The following SETD5 variants were observed in gnomAD, a reference collection of about 807,000 sequenced individuals.
SETD5 encodes the protein histone-lysine N-methyltransferase SETD5.
In SETD5, 44 loss-of-function variants were observed where a neutral mutation model predicts 153.3. The ratio of observed to expected loss-of-function variants is 0.29; its 90% CI spans 0.23 to 0.37. SETD5 has a LOEUF of 0.37. SETD5 is among the 10% of genes least tolerant of loss of function. SETD5 has a pLI of 1.00. For synonymous variants in SETD5, 716 were observed against 645.2 expected, an observed-to-expected ratio of 1.11 and a Z score of -1.66; for missense variants, 1,544 against 1,768.0, an observed-to-expected ratio of 0.87 and a Z score of 2.27.
intron 1 of SETD5, among the ~76,000 whole-genome samples, chr3:9,408,725 G>A (rs1195719246): frequency 6.6e-6 from 1 of 152,114 alleles, no homozygotes; most frequent in Non-Finnish European, 1.5e-5. Context: ...GCTTGTCTGT[G>A]TAATGTTAAG....
chr3:9,413,770 TTTTTGTTTTG>T (rs200427611), intron 1 of SETD5, among the ~76,000 whole-genome samples: 8 of 151,520 alleles, frequency 5.3e-5, no homozygotes, highest in East Asian at 1.9e-4. Context: ...TTTTTGTTTG[TTTTTGTTTTG>T]TTTTGTTTTG....
At chr3:9,445,428 T>A in intron 12 of SETD5, 128 bp downstream of exon 12, 3 of 1,081,912 alleles carry the variant, frequency 2.8e-6, no homozygotes, top group Non-Finnish European at 4.0e-6. Flanking sequence ...CAATGTGGGT[T>A]TATTGTGTTC....
At chr3:9,441,435 G>A (rs139310126) in intron 8 of SETD5, among the ~76,000 whole-genome samples, 158 bp from the exon 9 acceptor site, 63 of 151,018 alleles carry the variant, frequency 4.2e-4, no homozygotes, top group African/African-American at 1.5e-3. Flanking sequence ...GAAAAATTGA[G>A]CTTTCATCAC....
At chr3:9,459,043 A>G (rs1368730261) in intron 17 of SETD5, among the ~76,000 whole-genome samples, 1 of 151,794 alleles carries the variant, frequency 6.6e-6, no homozygotes, top group Non-Finnish European at 1.5e-5. Flanking sequence ...GATTCGACAA[A>G]CTCTTGGAAA....
At chr3:9,468,280 A>C (rs2044862629) in intron 18 of SETD5, among the ~76,000 whole-genome samples, 2 of 152,116 alleles carry the variant, frequency 1.3e-5, no homozygotes, top group African/African-American at 4.8e-5. Flanking sequence ...TACAGCATGA[A>C]ACATTATAAC....
At chr3:9,446,517 C>A (rs961112965) in intron 13 of SETD5, among the ~76,000 whole-genome samples, 1 of 150,080 alleles carries the variant, frequency 6.7e-6, no homozygotes, top group Non-Finnish European at 1.5e-5. Context: ...TTTTTGAGAC[C>A]GACTCTTGCT....
chr3:9,440,395 C>CA, intron 7 of SETD5, 61 bp from the exon 8 acceptor site: 2 of 884,242 alleles, frequency 2.3e-6, no homozygotes, highest in Non-Finnish European at 3.7e-6. Flanking sequence ...GTCCCACCCC[C>CA]ATTCCCAACC....
rs1162699452 is a variant in SETD5 at position 9,476,514 on chromosome 3, C to G, written c.*423C>G. 1 of 159,868 alleles carries G rather than the reference C, an allele frequency of 6.3e-6. No individual in the cohort carries two copies. The highest frequency in any genetic ancestry group is 1.4e-5 in the Non-Finnish European group (1 of 72,576). 9.9% of individuals were successfully genotyped at this position (159,868 alleles called of 1,614,324 possible). A position where few individuals can be genotyped will look rare whatever the true frequency, so the allele number is the denominator to read the frequency against. Reference sequence around the variant, plus strand: ...GAAAAAAAGTTAAAAGAGCCAATCTCAAAGCCCCAAGCCATCTGAGTACTG... The same window carrying G: ...GAAAAAAAGTTAAAAGAGCCAATCTGAAAGCCCCAAGCCATCTGAGTACTG... On this transcript the variant is annotated 3_prime_UTR_variant, in exon 23 of 23. Coordinates refer to ENST00000402198, the MANE Select transcript of SETD5 (RefSeq NM_001080517.3).
chr3:9,427,901 C>T (rs961522375), intron 2 of SETD5, among the ~76,000 whole-genome samples: 2 of 152,140 alleles, frequency 1.3e-5, no homozygotes, highest in Non-Finnish European at 2.9e-5. Flanking sequence ...TTTTATACTT[C>T]AGTAATTTCT....
At chr3:9,453,186 G>A (rs1031449131) in intron 16 of SETD5, among the ~76,000 whole-genome samples, 11 of 152,200 alleles carry the variant, frequency 7.2e-5, no homozygotes, top group Non-Finnish European at 1.5e-4. Flanking sequence ...TTGTTGGAGG[G>A]GGGAGTCCCA....
intron 2 of SETD5, among the ~76,000 whole-genome samples, chr3:9,425,575 C>CTTTT (rs767789314): frequency 9.3e-6 from 1 of 108,082 alleles, no homozygotes; most frequent in Non-Finnish European, 1.9e-5. Flanking sequence ...AGAAACTGTA[C>CTTTT]TTTTTTTTTT....
At chr3:9,468,411 C>G (rs1470440300) in intron 18 of SETD5, 1 of 859,528 alleles carries the variant, frequency 1.2e-6, no homozygotes, top group East Asian at 6.8e-5. Flanking sequence ...CTTCCCCGCC[C>G]CCGAAAAAAG....
chr3:9,439,374 A>G (rs1417702263), intron 7 of SETD5, among the ~76,000 whole-genome samples: 1 of 152,246 alleles, frequency 6.6e-6, no homozygotes, highest in Admixed American at 6.5e-5. Flanking sequence ...CAGTGATGCA[A>G]AAGTGGTAAA....
chr3:9,412,679 G>A (rs1467164359), intron 1 of SETD5, among the ~76,000 whole-genome samples: 5 of 151,554 alleles, frequency 3.3e-5, no homozygotes, highest in Non-Finnish European at 7.4e-5. Context: ...CCAAAGCTCT[G>A]GGTTTACAGG....
chr3:9,440,262 C>G (rs957657980), intron 7 of SETD5, among the ~76,000 whole-genome samples, 194 bp from the exon 8 acceptor site: 8 of 152,122 alleles, frequency 5.3e-5, no homozygotes, highest in African/African-American at 1.9e-4. Context: ...AGAAGTTATT[C>G]AAGGTCTCAC....
chr3:9,436,763 G>C, intron 7 of SETD5: 1 of 1,149,732 alleles, frequency 8.7e-7, no homozygotes. Flanking sequence ...ACACTAGTTT[G>C]TGCCTTAGTT....
intron 17 of SETD5, among the ~76,000 whole-genome samples, chr3:9,454,789 A>C (rs2043035159): frequency 6.6e-6 from 1 of 152,112 alleles, no homozygotes; most frequent in Admixed American, 6.5e-5. Flanking sequence ...ATCTTAATGT[A>C]TTTTGTGACA....
chr3:9,463,649 A>G (rs2044233435), intron 17 of SETD5, among the ~76,000 whole-genome samples: 1 of 152,220 alleles, frequency 6.6e-6, no homozygotes, highest in Non-Finnish European at 1.5e-5. Flanking sequence ...CTTTTTAGGT[A>G]GAAAAGGGGC....
intron 6 of SETD5, among the ~76,000 whole-genome samples, chr3:9,435,241 C>G (rs2040416625): frequency 8.8e-6 from 1 of 114,166 alleles, no homozygotes. Flanking sequence ...AAAACTCCCT[C>G]TCAAAAAAAA....
Sources: gnomAD v4.1 joint callset for allele counts (sites outside exome capture counted in the v4.1 genomes callset) on GRCh38, gnomAD v4.1.1 for gene constraint, MANE v1.5 for transcripts, NCBI Gene and HGNC (gene_info 2026-07-23, HGNC 2026-07-21) for gene names.